EPHA6: variants seen among roughly 807,000 people sequenced by gnomAD.
The protein encoded by EPHA6 is ephrin type-A receptor 6.
A neutral mutation model predicts 112.0 loss-of-function variants in EPHA6; 50 were observed. The ratio of observed to expected loss-of-function variants is 0.45; its 90% confidence interval spans 0.36 to 0.56. The LOEUF (loss-of-function observed/expected upper bound fraction) is 0.56. Among genes scored for constraint, EPHA6 ranks in the 20% least tolerant of loss-of-function variants. The pLI, the probability that EPHA6 is intolerant of heterozygous loss-of-function variation, is 0.00. For synonymous variants in EPHA6, 529 were observed against 490.7 expected, an observed-to-expected ratio of 1.08 and a Z score of -1.03; for missense variants, 1,280 against 1,417.4, an observed-to-expected ratio of 0.90 and a Z score of 1.56.
chr3:96,996,797 T>C (rs1474683953), intron 3 of EPHA6, among the ~76,000 whole-genome samples: 2 of 152,098 alleles, frequency 1.3e-5, no homozygotes, highest in Non-Finnish European at 2.9e-5. Flanking sequence ...ATTTTCAGAA[T>C]GTAAATGGGC....
At chr3:97,606,661 C>A (rs2093682268) in intron 12 of EPHA6, among the ~76,000 whole-genome samples, 1 of 151,220 alleles carries the variant, frequency 6.6e-6, no homozygotes, top group South Asian at 2.1e-4. Flanking sequence ...GAAAACAGTT[C>A]TTTAATTTGA....
intron 7 of EPHA6, among the ~76,000 whole-genome samples, chr3:97,463,455 A>G (rs2090956249): frequency 3.9e-5 from 6 of 152,182 alleles, no homozygotes. Context: ...AGGTCCATAT[A>G]CACAAGAGGG....
At position 97,683,693 on chromosome 3, in the gene EPHA6, C is replaced by CGGCT. The variant is rs1169191705; in HGVS notation, c.2785-36566_2785-36563dup. 1.8e-4 allele frequency among the ~76,000 whole-genome samples: 27 copies of CGGCT among 152,044 alleles called. 1 individual carries two copies. The highest frequency in any genetic ancestry group is 1.8e-3 in the Admixed American group (27 of 15,242). Reference sequence around the variant, plus strand: ...AGGGTGGCTTGAGGGTTGATAAATTCGGCTGCTCACCAACCCCACACAAGG... The same window carrying CGGCT: ...AGGGTGGCTTGAGGGTTGATAAATTCGGCTGGCTGCTCACCAACCCCACACAAGG... On this transcript the variant is annotated intron_variant, in intron 14 of 17. Transcript: ENST00000389672.
At chr3:97,103,137 T>C (rs1271209710) in intron 3 of EPHA6, among the ~76,000 whole-genome samples, 2 of 152,148 alleles carry the variant, frequency 1.3e-5, no homozygotes, top group South Asian at 4.1e-4. Flanking sequence ...CTTAGTTTAA[T>C]TTGGTCCCAT....
intron 14 of EPHA6, among the ~76,000 whole-genome samples, chr3:97,712,467 G>C (rs545264353): frequency 1.2e-4 from 19 of 152,274 alleles, no homozygotes; most frequent in African/African-American, 4.3e-4. Context: ...TGAAAAAATT[G>C]CCTGTACTGT....
intron 3 of EPHA6, among the ~76,000 whole-genome samples, chr3:97,180,241 G>C (rs534268808): frequency 2.0e-5 from 3 of 151,970 alleles, no homozygotes; most frequent in Non-Finnish European, 4.4e-5. Context: ...TCTCTTGCTT[G>C]TCATGAATTC....
At chr3:97,271,946 A>G (rs1445610298) in intron 5 of EPHA6, among the ~76,000 whole-genome samples, 14 of 152,188 alleles carry the variant, frequency 9.2e-5, no homozygotes, top group Non-Finnish European at 5.9e-5. Flanking sequence ...GGTTAAGAGC[A>G]TCTTCAATCT....
chr3:97,041,760 T>G (rs2045323613), intron 3 of EPHA6, among the ~76,000 whole-genome samples: 1 of 152,014 alleles, frequency 6.6e-6, no homozygotes, highest in African/African-American at 2.4e-5. Context: ...CAGGAAAGTC[T>G]TATATGGCCA....
At chr3:97,005,225 T>G (rs2107919714) in intron 3 of EPHA6, among the ~76,000 whole-genome samples, 1 of 152,250 alleles carries the variant, frequency 6.6e-6, no homozygotes, top group Non-Finnish European at 1.5e-5. Context: ...CATTTTCACA[T>G]TATTGAATCT....
At chr3:97,546,299 G>T (rs1286633787) in intron 11 of EPHA6, among the ~76,000 whole-genome samples, 22 of 152,170 alleles carry the variant, frequency 1.4e-4, no homozygotes, top group East Asian at 5.8e-4. Flanking sequence ...GTCTGTAAAG[G>T]ATTTTATTTC....
At chr3:97,703,734 C>A (rs535523587) in intron 14 of EPHA6, among the ~76,000 whole-genome samples, 5 of 152,224 alleles carry the variant, frequency 3.3e-5, no homozygotes, top group African/African-American at 1.2e-4. Context: ...GTTTTTGATT[C>A]CTTGAATTGG....
intron 15 of EPHA6, among the ~76,000 whole-genome samples, chr3:97,733,787 GA>G (rs2035139662): frequency 6.6e-6 from 1 of 151,974 alleles, no homozygotes; most frequent in African/African-American, 2.4e-5. Context: ...TATTTACCCA[GA>G]ATATTAAACT....
At chr3:96,818,293 C>CT (rs2107202977) in intron 1 of EPHA6, among the ~76,000 whole-genome samples, 1 of 152,066 alleles carries the variant, frequency 6.6e-6, no homozygotes, top group East Asian at 1.9e-4. Flanking sequence ...GCAAATACTA[C>CT]TTTATAGCCT....
At chr3:97,592,509 A>G in intron 11 of EPHA6, 103 bp from the exon 12 acceptor site, 3 of 1,365,118 alleles carry the variant, frequency 2.2e-6, no homozygotes, top group East Asian at 2.4e-5. Flanking sequence ...ACTTCTTCGT[A>G]AAATTTGATG....
chr3:97,630,801 A>G (rs934649006), intron 13 of EPHA6, among the ~76,000 whole-genome samples: 1 of 151,900 alleles, frequency 6.6e-6, no homozygotes, highest in African/African-American at 2.4e-5. Flanking sequence ...TTTTAAGGCA[A>G]TTTTTCTATG....
chr3:97,105,506 G>T (rs541616909), intron 3 of EPHA6, among the ~76,000 whole-genome samples: 151 of 152,148 alleles, frequency 9.9e-4, no homozygotes, highest in African/African-American at 3.4e-3. Flanking sequence ...TTGGACTATT[G>T]TCCAATAGTG....
intron 5 of EPHA6, among the ~76,000 whole-genome samples, chr3:97,292,813 G>A (rs144582765): frequency 1.2e-4 from 18 of 147,532 alleles, no homozygotes; most frequent in African/African-American, 4.3e-4. Context: ...AAGTCATCCC[G>A]GTGAGCGTCC....
At chr3:97,257,066 A>T (rs1220224519) in intron 5 of EPHA6, among the ~76,000 whole-genome samples, 1 of 152,012 alleles carries the variant, frequency 6.6e-6, no homozygotes, top group East Asian at 1.9e-4. Flanking sequence ...ATCTCAAACT[A>T]ATGAGAAAGT....
intron 13 of EPHA6, among the ~76,000 whole-genome samples, chr3:97,637,367 G>GT (rs1474849131): frequency 1.3e-5 from 2 of 151,698 alleles, no homozygotes; most frequent in African/African-American, 2.4e-5. Flanking sequence ...CTTGTTTCTT[G>GT]TTTATACCAT....
Sources: gnomAD v4.1 joint callset for allele counts (sites outside exome capture counted in the v4.1 genomes callset) on GRCh38, gnomAD v4.1.1 for gene constraint, MANE v1.5 for transcripts, NCBI Gene and HGNC (gene_info 2026-07-23, HGNC 2026-07-21) for gene names.